The following PHF14 variants were observed in gnomAD, a reference collection of about 807,000 sequenced individuals.
PHF14 encodes PHD finger protein 14.
In PHF14, 55 loss-of-function variants were observed where a neutral mutation model predicts 117.9. The observed-to-expected ratio is 0.47, with a 90% CI of 0.38 to 0.58. The LOEUF (loss-of-function observed/expected upper bound fraction) is 0.58. PHF14 is among the 20% of genes least tolerant of loss of function. The probability of loss-of-function intolerance (pLI) is 0.00; values close to 1 mark genes in which losing one functional copy is unlikely to be tolerated. For missense variants in PHF14, 978 were observed against 1,122.2 expected (o/e 0.87, Z 1.84); for synonymous variants, 409 against 368.6 (o/e 1.11, Z -1.26).
At chr7:11,100,443 CTG>C (rs1419840118) in intron 16 of PHF14, among the ~76,000 whole-genome samples, 1 of 151,884 alleles carries the variant, frequency 6.6e-6, no homozygotes, top group Non-Finnish European at 1.5e-5. Context: ...AGAGAGGTAA[CTG>C]GGGTACATAG....
At chr7:11,157,647 A>G (rs896905950) in intron 17 of PHF14, among the ~76,000 whole-genome samples, 2 of 152,336 alleles carry the variant, frequency 1.3e-5, no homozygotes, top group Middle Eastern at 3.4e-3. Flanking sequence ...CATTTTTACC[A>G]TATTACAGTT....
chr7:10,986,214 C>T (rs1456273466), intron 3 of PHF14, among the ~76,000 whole-genome samples: 1 of 150,270 alleles, frequency 6.7e-6, no homozygotes, highest in East Asian at 2.0e-4. Flanking sequence ...AAATTCTTGA[C>T]CACAAGCAGT....
chr7:11,119,132 T>C (rs888085798), intron 17 of PHF14, among the ~76,000 whole-genome samples: 1 of 151,880 alleles, frequency 6.6e-6, no homozygotes, highest in Admixed American at 6.6e-5. Flanking sequence ...AGAAACTAAA[T>C]CATAACTGAG....
intron 17 of PHF14, among the ~76,000 whole-genome samples, chr7:11,157,444 TA>T (rs1788899039): frequency 6.6e-6 from 1 of 152,138 alleles, no homozygotes; most frequent in Non-Finnish European, 1.5e-5. Flanking sequence ...TTTGACATTT[TA>T]TTCTTAATTC....
At chr7:11,073,882 C>G (rs1027401896) in intron 16 of PHF14, among the ~76,000 whole-genome samples, 1 of 152,162 alleles carries the variant, frequency 6.6e-6, no homozygotes, top group Middle Eastern at 3.2e-3. Flanking sequence ...GTGGCCCGAG[C>G]TAGCTGTACC....
At chr7:11,077,642 ATTTGCATTTTG>A (rs1785916831) in intron 16 of PHF14, among the ~76,000 whole-genome samples, 1 of 148,714 alleles carries the variant, frequency 6.7e-6, no homozygotes, top group African/African-American at 2.5e-5. Context: ...AGCACACTGT[ATTTGCATTTTG>A]TGAGTATGAT....
intron 16 of PHF14, among the ~76,000 whole-genome samples, chr7:11,092,458 G>C (rs1197172594): frequency 1.3e-5 from 2 of 152,180 alleles, no homozygotes; most frequent in Non-Finnish European, 2.9e-5. Context: ...AAAGTCCTAA[G>C]ATAGTGGTTC....
chr7:11,102,704 T>C, intron 16 of PHF14: 2 of 1,410,116 alleles, frequency 1.4e-6, no homozygotes, highest in Non-Finnish European at 1.8e-6. Context: ...GGTTTGTTAC[T>C]TGGACTAACA....
Position 10,990,753 on chromosome 7 carries a change from C to T in PHF14, c.951C>T (p.Asp317=). The T allele has an allele frequency of 6.4e-7, 1 of 1,571,168 alleles. No individual in the cohort carries two copies. The highest frequency in any genetic ancestry group is 8.7e-7 in the Non-Finnish European group (1 of 1,154,614). The change falls in exon 4 of 18, where the codon GAC becomes GAT. Residue 317 remains aspartate (D), a synonymous_variant. Coordinates refer to ENST00000634607, the MANE Select transcript of PHF14 (RefSeq NM_001007157.2). Reference sequence around the variant, plus strand: ...AAAACTGGAGCTCTCAAAAAATGGACCATATTCTGATTTGCTGTGTTTGTC... The same window carrying T: ...AAAACTGGAGCTCTCAAAAAATGGATCATATTCTGATTTGCTGTGTTTGTC... ...KSQNWSSQKM[D]HILICCVCLG...
intron 13 of PHF14, among the ~76,000 whole-genome samples, chr7:11,045,123 G>GTATT (rs1188245771): frequency 6.6e-6 from 1 of 152,146 alleles, no homozygotes; most frequent in East Asian, 1.9e-4. Flanking sequence ...ATAGTTAGGA[G>GTATT]TATTTGTACT....
chr7:11,085,569 C>A (rs1325293146), intron 16 of PHF14, among the ~76,000 whole-genome samples: 2 of 152,136 alleles, frequency 1.3e-5, no homozygotes, highest in African/African-American at 4.8e-5. Context: ...AAATACTCAT[C>A]CTATTTGGCC....
intron 17 of PHF14, among the ~76,000 whole-genome samples, chr7:11,160,267 A>C (rs1788985276): frequency 6.6e-6 from 1 of 152,178 alleles, no homozygotes; most frequent in Admixed American, 6.5e-5. Flanking sequence ...ATAGTATTTC[A>C]TGGTATATAT....
At chr7:10,977,243 T>G (rs1781899126) in intron 2 of PHF14, among the ~76,000 whole-genome samples, 1 of 152,058 alleles carries the variant, frequency 6.6e-6, no homozygotes, top group Non-Finnish European at 1.5e-5. Flanking sequence ...AGTAGAGAAA[T>G]GGTAGCTAAA....
intron 17 of PHF14, among the ~76,000 whole-genome samples, chr7:11,135,013 A>G (rs1434130921): frequency 1.3e-5 from 2 of 152,062 alleles, no homozygotes; most frequent in Non-Finnish European, 2.9e-5. Context: ...AGACCCTTCT[A>G]AGGTCTCTAA....
intron 13 of PHF14, among the ~76,000 whole-genome samples, chr7:11,050,939 T>C (rs781750636): frequency 2.6e-5 from 4 of 152,190 alleles, no homozygotes; most frequent in Non-Finnish European, 4.4e-5. Context: ...TTAAAAGATA[T>C]GATAACTGTG....
chr7:11,115,629 C>A (rs947309044), intron 17 of PHF14, among the ~76,000 whole-genome samples: 1 of 151,920 alleles, frequency 6.6e-6, no homozygotes. Context: ...AGGAAGTTAA[C>A]ATTGCTATAT....
At chr7:11,029,855 T>C (rs1044465164) in intron 7 of PHF14, among the ~76,000 whole-genome samples, 15 of 152,110 alleles carry the variant, frequency 9.9e-5, no homozygotes, top group African/African-American at 3.1e-4. Flanking sequence ...CTCCTTGTTA[T>C]GTTTTTTCTT....
chr7:10,995,123 CAG>C (rs1429720707), intron 4 of PHF14, among the ~76,000 whole-genome samples: 3 of 152,170 alleles, frequency 2.0e-5, no homozygotes, highest in African/African-American at 4.8e-5. Flanking sequence ...GAGCTAGACA[CAG>C]GGTGCAGATT....
chr7:11,092,100 A>AT (rs5882292), intron 16 of PHF14, among the ~76,000 whole-genome samples: 72,344 of 151,936 alleles, frequency 0.48, 17,831 homozygotes, highest in East Asian at 0.85. Flanking sequence ...TCTGTGTATA[A>AT]ATAATACTTA....
Sources: gnomAD v4.1 joint callset for allele counts (sites outside exome capture counted in the v4.1 genomes callset) on GRCh38, gnomAD v4.1.1 for gene constraint, MANE v1.5 for transcripts, NCBI Gene and HGNC (gene_info 2026-07-23, HGNC 2026-07-21) for gene names.